COL19A1: variants seen among roughly 807,000 people sequenced by gnomAD.
COL19A1 encodes the protein collagen alpha-1(XIX) chain.
A neutral mutation model predicts 190.2 loss-of-function variants in COL19A1; 159 were observed. The ratio of observed to expected loss-of-function variants is 0.84; its 90% CI spans 0.73 to 0.95. The LOEUF (loss-of-function observed/expected upper bound fraction) is 0.95. Among genes scored for constraint, COL19A1 ranks in the 40% least tolerant of loss-of-function variants. The pLI is 0.00. For missense variants in COL19A1, 1,418 were observed against 1,431.9 expected, an observed-to-expected ratio of 0.99 and a Z score of 0.16; for synonymous variants, 509 against 458.9, an observed-to-expected ratio of 1.11 and a Z score of -1.39.
intron 1 of COL19A1, 138 bp from the exon 2 acceptor site, chr6:69,879,398 C>G (rs1265844050): frequency 1.7e-6 from 1 of 600,676 alleles, no homozygotes; most frequent in Non-Finnish European, 3.0e-6. Context: ...TACACCATTG[C>G]ATATATAATC....
chr6:70,205,656 A>C (rs1517041), intron 49 of COL19A1, among the ~76,000 whole-genome samples: 35,493 of 152,156 alleles, frequency 0.23, 5,003 homozygotes, highest in East Asian at 0.43. Flanking sequence ...ACAGCATGGA[A>C]CCTTTTATTC....
intron 4 of COL19A1, among the ~76,000 whole-genome samples, chr6:69,911,540 T>C (rs1176484307): frequency 6.6e-6 from 1 of 152,240 alleles, no homozygotes. Flanking sequence ...TGAACACATG[T>C]GGTGATGCCA....
Position 69,929,645 on chromosome 6 carries a change from A to T in COL19A1, c.611A>T (p.Asp204Val). 6.2e-7 allele frequency: 1 copy of T among 1,613,956 alleles called. No homozygotes were observed. The highest frequency in any genetic ancestry group is 8.5e-7 in the Non-Finnish European group (1 of 1,179,920). ...CAGACTGATGAAAAGGACACTGTGG[A>T]TTTCCATGGACGGACAGTTATTGCT... ...RRQTDEKDTV[D>V]FHGRTVIATR... Residue 204 changes from aspartate to valine, a missense_variant, in exon 6 of 51, where the codon GAT (aspartate) becomes GTT (valine). Coordinates refer to ENST00000620364, the MANE Select transcript of COL19A1 (RefSeq NM_001858.6).
intron 16 of COL19A1, among the ~76,000 whole-genome samples, chr6:70,103,944 TTAAAACCAGG>T (rs923109397): frequency 2.0e-5 from 3 of 151,964 alleles, no homozygotes; most frequent in African/African-American, 7.3e-5. Context: ...GACGAAAAAA[TTAAAACCAGG>T]TAAGTGACCT....
intron 48 of COL19A1, among the ~76,000 whole-genome samples, chr6:70,195,051 C>G (rs1186021491): frequency 1.3e-5 from 2 of 149,178 alleles, no homozygotes; most frequent in East Asian, 3.9e-4. Context: ...CTTTTCTTAC[C>G]TCTCTACAAC....
chr6:70,123,560 A>T (rs1215344690), intron 17 of COL19A1, among the ~76,000 whole-genome samples: 1 of 133,914 alleles, frequency 7.5e-6, no homozygotes, highest in African/African-American at 3.1e-5. Flanking sequence ...AACCAACCCA[A>T]ATGTCCAACA....
intron 15 of COL19A1, among the ~76,000 whole-genome samples, chr6:70,101,955 A>T (rs1783657742): frequency 6.6e-6 from 1 of 152,180 alleles, no homozygotes; most frequent in African/African-American, 2.4e-5. Context: ...ATAAAAGTTA[A>T]GGTTTATTCA....
In COL19A1 at chr6:70,146,708, A is replaced by T. The variant is rs1786673291; in HGVS notation, c.1815+5A>T. 6.2e-7 allele frequency: 1 copy of T among 1,605,624 alleles called. No homozygotes were observed. The highest frequency in any genetic ancestry group is 1.3e-5 in the African/African-American group (1 of 74,404). On this transcript the variant is annotated splice_donor_5th_base_variant and intron_variant, in intron 26 of 50. Transcript: ENST00000620364. ...CCTGGTCCACGTGGGCCAAAGGTAT[A>T]CAAATATTATAGTTAATTTTTAAGG...
chr6:70,165,938 C>T lies in COL19A1; in HGVS notation c.2401-3C>T, dbSNP rs764407803. ...CGCTGATATGTCTATATATCCCTTG[C>T]AGGGCAGCGACGGACCCCCTGGGAA... On this transcript the variant is annotated splice_region_variant and splice_polypyrimidine_tract_variant and intron_variant, in intron 36 of 50. Coordinates refer to ENST00000620364, the MANE Select transcript of COL19A1 (RefSeq NM_001858.6). The T allele has an allele frequency of 1.9e-6, 3 of 1,613,794 alleles. No individual in the cohort carries two copies. In the East Asian group the frequency reaches 6.7e-5, roughly 36 times the overall value.
At chr6:70,105,378 G>A (rs1414852119) in intron 16 of COL19A1, among the ~76,000 whole-genome samples, 4 of 152,018 alleles carry the variant, frequency 2.6e-5, no homozygotes, top group East Asian at 3.9e-4. Flanking sequence ...GGATGGTCTC[G>A]ATCTCTTGAC....
At chr6:69,919,096 C>T (rs187377570) in intron 4 of COL19A1, among the ~76,000 whole-genome samples, 3 of 152,268 alleles carry the variant, frequency 2.0e-5, no homozygotes, top group Admixed American at 1.3e-4. Context: ...ACATTTGCTG[C>T]CCAAGACTCA....
intron 48 of COL19A1, among the ~76,000 whole-genome samples, chr6:70,194,963 T>TCATATG (rs1767097510): frequency 6.6e-6 from 1 of 151,422 alleles, no homozygotes. Flanking sequence ...TACATATATT[T>TCATATG]CATATATATA....
At chr6:70,102,095 C>T in intron 15 of COL19A1, 74 bp from the exon 16 acceptor site, 2 of 1,135,024 alleles carry the variant, frequency 1.8e-6, no homozygotes, top group Non-Finnish European at 2.7e-6. Context: ...CTTCAATATT[C>T]CCATTTAATA....
At chr6:70,023,825 G>A in intron 12 of COL19A1, 145 bp downstream of exon 12, 1 of 633,670 alleles carries the variant, frequency 1.6e-6, no homozygotes, top group African/African-American at 1.9e-5. Context: ...CTTTCACATG[G>A]CTCAGTAGAG....
intron 11 of COL19A1, among the ~76,000 whole-genome samples, chr6:69,966,387 A>G (rs891546882): frequency 2.6e-5 from 4 of 152,254 alleles, no homozygotes; most frequent in African/African-American, 9.6e-5. Flanking sequence ...CTGTGTAGAA[A>G]GAAGTAGACA....
At chr6:69,990,396 G>C (rs1008331219) in intron 11 of COL19A1, among the ~76,000 whole-genome samples, 2 of 151,934 alleles carry the variant, frequency 1.3e-5, no homozygotes, top group African/African-American at 4.8e-5. Context: ...GTCATTTGGT[G>C]TTCAAATTTC....
chr6:69,883,305 C>T (rs534998213), intron 2 of COL19A1, among the ~76,000 whole-genome samples: 38 of 152,270 alleles, frequency 2.5e-4, no homozygotes, highest in Non-Finnish European at 5.3e-4. Context: ...AAAGGCTAGA[C>T]CTTGGACACT....
chr6:69,929,751 A>C, intron 6 of COL19A1, 51 bp downstream of exon 6: 1 of 1,510,596 alleles, frequency 6.6e-7, no homozygotes, highest in South Asian at 1.3e-5. Flanking sequence ...TAAGTAAAAA[A>C]AAAATCTTAT....
chr6:69,940,764 C>A (rs1773419391), intron 9 of COL19A1, among the ~76,000 whole-genome samples: 1 of 152,156 alleles, frequency 6.6e-6, no homozygotes, highest in South Asian at 2.1e-4. Flanking sequence ...CTTAAACCAA[C>A]ATATGCTCTG....
Sources: gnomAD v4.1 joint callset for allele counts (sites outside exome capture counted in the v4.1 genomes callset) on GRCh38, gnomAD v4.1.1 for gene constraint, MANE v1.5 for transcripts, NCBI Gene and HGNC (gene_info 2026-07-23, HGNC 2026-07-21) for gene names.